Variants in ACYP2 observed in about 807,000 individuals in gnomAD.
The protein encoded by ACYP2 is acylphosphatase 2.
In ACYP2, 12 loss-of-function variants were observed where a neutral mutation model predicts 11.2. The ratio of observed to expected loss-of-function variants is 1.08; its 90% confidence interval spans 0.69 to 1.74. The LOEUF (loss-of-function observed/expected upper bound fraction) is 1.74, where lower values mean the gene tolerates loss of function less well. Among genes scored for constraint, ACYP2 ranks in the 40% most tolerant of loss-of-function variants. The pLI, the probability that ACYP2 is intolerant of heterozygous loss-of-function variation, is 0.00. For synonymous variants in ACYP2, 43 were observed against 32.2 expected (o/e 1.33, Z -1.13); for missense variants, 134 against 101.9 (o/e 1.31, Z -1.35).
chr2:54,256,744 C>T (rs768915369), intron 6 of ACYP2, among the ~76,000 whole-genome samples: 20 of 152,222 alleles, frequency 1.3e-4, no homozygotes, highest in East Asian at 1.9e-4. Context: ...CAAGTTCAAG[C>T]GATTCTCCTG....
At chr2:54,063,642 C>A (rs926562583) in intron 4 of ACYP2, among the ~76,000 whole-genome samples, 1 of 152,214 alleles carries the variant, frequency 6.6e-6, no homozygotes, top group African/African-American at 2.4e-5. Context: ...GTTCTGGGAA[C>A]CAACTGTCCA....
At chr2:54,268,451 C>A (rs1000954208) in intron 6 of ACYP2, among the ~76,000 whole-genome samples, 1 of 151,950 alleles carries the variant, frequency 6.6e-6, no homozygotes, top group African/African-American at 2.4e-5. Context: ...AGTAAGGGAA[C>A]TTGCCTTTTT....
At chr2:54,097,536 T>A (rs1275750159) in intron 4 of ACYP2, among the ~76,000 whole-genome samples, 1 of 152,254 alleles carries the variant, frequency 6.6e-6, no homozygotes, top group Admixed American at 6.5e-5. Context: ...ATTTTTTAAA[T>A]CTAATTTTTG....
At chr2:54,275,904 G>A (rs778789273) in intron 6 of ACYP2, among the ~76,000 whole-genome samples, 16 of 152,130 alleles carry the variant, frequency 1.1e-4, no homozygotes, top group South Asian at 1.0e-3. Context: ...AACATTAAGC[G>A]TATCCCTAAT....
chr2:54,185,916 A>AAAAGGT (rs1258024585), intron 6 of ACYP2, among the ~76,000 whole-genome samples: 1 of 151,992 alleles, frequency 6.6e-6, no homozygotes, highest in Non-Finnish European at 1.5e-5. Context: ...TACTATAAGC[A>AAAAGGT]AAAGGTAAAT....
chr2:54,083,251 C>T (rs757215400), intron 4 of ACYP2, among the ~76,000 whole-genome samples: 1 of 152,122 alleles, frequency 6.6e-6, no homozygotes, highest in Non-Finnish European at 1.5e-5. Context: ...GGTCAGTTTG[C>T]GAATGATGTC....
At chr2:54,134,752 C>G (rs192422091) in intron 4 of ACYP2, among the ~76,000 whole-genome samples, 95 of 152,244 alleles carry the variant, frequency 6.2e-4, no homozygotes, top group African/African-American at 2.3e-3. Flanking sequence ...CAGGGGTTCC[C>G]CCTTGTTCTT....
intron 4 of ACYP2, among the ~76,000 whole-genome samples, chr2:54,096,803 G>A (rs1194051214): frequency 1.5e-5 from 2 of 137,010 alleles, no homozygotes; most frequent in East Asian, 2.9e-4. Flanking sequence ...GCCTTGGCTC[G>A]GCATCAGAGG....
chr2:53,976,957 A>G (rs1464595726), intron 2 of ACYP2, among the ~76,000 whole-genome samples: 1 of 152,202 alleles, frequency 6.6e-6, no homozygotes, highest in East Asian at 1.9e-4. Flanking sequence ...TCAATTATGC[A>G]AAATTTTCAC....
At chr2:54,253,405 T>C (rs966344720) in intron 6 of ACYP2, 6 of 152,188 alleles carry the variant, frequency 3.9e-5, no homozygotes, top group Admixed American at 1.3e-4. Flanking sequence ...TCTGTACAGC[T>C]GAATCTTCCC....
intron 6 of ACYP2, among the ~76,000 whole-genome samples, chr2:54,178,493 T>C (rs1683570547): frequency 6.6e-6 from 1 of 152,194 alleles, no homozygotes; most frequent in South Asian, 2.1e-4. Context: ...AGCAAGGCTA[T>C]GCCCCAATCC....
In ACYP2 at chr2:54,281,998, A is replaced by G. The variant is rs529186463; in HGVS notation, c.405-22690A>G. 4.6e-5 allele frequency among the ~76,000 whole-genome samples: 7 copies of G among 152,288 alleles called. No individual in the cohort carries two copies. In the South Asian group the frequency reaches 1.4e-3, roughly 32 times the overall value. ...TTCATGTATACACTTACTTATTTAT[A>G]TCCTATGTTCTTCCACAAAGGAGCC... On this transcript the variant is annotated intron_variant, in intron 6 of 6. Transcript: ENST00000607452.
intron 2 of ACYP2, among the ~76,000 whole-genome samples, chr2:54,028,060 C>T (rs1182132131): frequency 6.6e-6 from 1 of 151,946 alleles, no homozygotes; most frequent in Non-Finnish European, 1.5e-5. Context: ...CCAGGCTGGT[C>T]TCGAACTCAT....
intron 6 of ACYP2, among the ~76,000 whole-genome samples, chr2:54,229,696 A>G (rs185780614): frequency 6.6e-6 from 1 of 152,190 alleles, no homozygotes; most frequent in Admixed American, 6.5e-5. Flanking sequence ...TAACAGCACC[A>G]AAGACTAGTT....
At chr2:54,249,940 C>CA (rs1015312135) in intron 6 of ACYP2, among the ~76,000 whole-genome samples, 2,950 of 44,376 alleles carry the variant, frequency 0.066, 338 homozygotes, top group Middle Eastern at 0.11. Flanking sequence ...GACCCTGTCT[C>CA]AAAAAAAAAA....
rs77776881 is a variant in ACYP2 at position 54,187,336 on chromosome 2, C to G, written c.404+48588C>G. 8.0e-3 allele frequency among the ~76,000 whole-genome samples: 1,223 copies of G among 152,290 alleles called. 13 individuals are homozygous for G. The highest frequency in any genetic ancestry group is 0.028 in the African/African-American group (1,159 of 41,560). On this transcript the variant is annotated intron_variant, in intron 6 of 6. Coordinates refer to ENST00000607452, the MANE Select transcript of ACYP2 (RefSeq NM_001320586.2). ...ATCCATGGTGGCAGGCCTTGGGGAA[C>G]CCAAGAACCCAGGAGTGGTCTGTAC...
intron 6 of ACYP2, among the ~76,000 whole-genome samples, chr2:54,203,771 A>T (rs772799193): frequency 1.7e-4 from 26 of 150,368 alleles, no homozygotes; most frequent in Non-Finnish European, 2.7e-4. Context: ...TGCTTATCAT[A>T]TGTCAAAACT....
chr2:54,216,599 G>A (rs967838440), intron 6 of ACYP2, among the ~76,000 whole-genome samples: 8 of 150,870 alleles, frequency 5.3e-5, no homozygotes, highest in East Asian at 2.0e-4. Flanking sequence ...ACGCAGTGGC[G>A]CAGTCTCAGC....
intron 6 of ACYP2, among the ~76,000 whole-genome samples, chr2:54,269,531 G>T (rs888713529): frequency 2.0e-5 from 3 of 152,142 alleles, no homozygotes; most frequent in African/African-American, 7.2e-5. Flanking sequence ...ACATATGGTT[G>T]GTGACTCCCA....
Sources: gnomAD v4.1 joint callset for allele counts (sites outside exome capture counted in the v4.1 genomes callset) on GRCh38, gnomAD v4.1.1 for gene constraint, MANE v1.5 for transcripts, NCBI Gene and HGNC (gene_info 2026-07-23, HGNC 2026-07-21) for gene names.